VPS35L: variants seen among roughly 807,000 people sequenced by gnomAD.
VPS35L encodes the protein VPS35 endosomal protein sorting factor like, also known as VPS35 endosomal protein-sorting factor-like.
In VPS35L, 83 loss-of-function variants were observed where a neutral mutation model predicts 133.0. The ratio of observed to expected loss-of-function variants is 0.62; its 90% CI spans 0.52 to 0.75. VPS35L has a LOEUF of 0.75. Ranked by LOEUF, VPS35L falls within the 30% of genes least tolerant of loss-of-function variation. VPS35L has a pLI of 0.00. For synonymous variants in VPS35L, 423 were observed against 449.9 expected, an observed-to-expected ratio of 0.94 and a Z score of 0.76; for missense variants, 1,083 against 1,206.8, an observed-to-expected ratio of 0.90 and a Z score of 1.52.
rs1436940069 is a variant in VPS35L, at chr16:19,636,116, G to A, written c.1636-1478G>A. Reference sequence around the variant, plus strand: ...CAGGAGGATTGCTTGAGCCCAGGAGGTCAAGGCTGCAGTGAGCTGAGATCA... The same window carrying A: ...CAGGAGGATTGCTTGAGCCCAGGAGATCAAGGCTGCAGTGAGCTGAGATCA... On this transcript the variant is annotated intron_variant, in intron 19 of 30. Coordinates refer to ENST00000417362, the MANE Select transcript of VPS35L (RefSeq NM_020314.7). Among the ~76,000 whole-genome samples the A allele has an allele frequency of 1.4e-4, 22 of 152,146 alleles. 1 individual carries two copies. Among genetic ancestry groups the A allele is most frequent in the Admixed American group, 1.4e-3 (22 of 15,266 alleles).
At chr16:19,662,182 A>C (rs1974506940) in intron 26 of VPS35L, among the ~76,000 whole-genome samples, 1 of 152,076 alleles carries the variant, frequency 6.6e-6, no homozygotes, top group Admixed American at 6.5e-5. Flanking sequence ...CAGCCTGGGC[A>C]GCAGAGCAAG....
rs535485791 is a variant in VPS35L at position 19,561,615 on chromosome 16, A to G, written c.18-3236A>G. On this transcript the variant is annotated intron_variant, in intron 1 of 30. Transcript: ENST00000417362. ...CATACAAAGGTTAATGAAGTTGGGAATCTAAATGGGAGCAGAAGATGGGGT... is the reference window on the plus strand; with the variant it reads ...CATACAAAGGTTAATGAAGTTGGGAGTCTAAATGGGAGCAGAAGATGGGGT... 3.3e-5 allele frequency among the ~76,000 whole-genome samples: 5 copies of G among 152,168 alleles called. No individual in the cohort carries two copies. In the East Asian group the frequency reaches 9.7e-4, roughly 29 times the overall value.
intron 7 of VPS35L, among the ~76,000 whole-genome samples, chr16:19,583,730 A>AG (rs1331681511): frequency 1.3e-5 from 2 of 152,066 alleles, no homozygotes; most frequent in East Asian, 3.9e-4. Context: ...AAAAAAAAAA[A>AG]AAGGAAAACA....
chr16:19,610,273 G>A (rs1006526788), intron 11 of VPS35L, 49 bp from the exon 12 acceptor site: 6 of 1,471,270 alleles, frequency 4.1e-6, no homozygotes, highest in Non-Finnish European at 5.7e-6. Context: ...TTAAAGAACA[G>A]CGAGTTCTCA....
Position 19,666,975 on chromosome 16 carries a change from C to T in VPS35L, c.2222-2185C>T, listed in dbSNP as rs147124110. 5.0e-3 allele frequency among the ~76,000 whole-genome samples: 383 copies of T among 76,394 alleles called. 1 individual carries two copies. The highest frequency in any genetic ancestry group is 9.8e-3 in the African/African-American group (236 of 24,162). 50.1% of individuals were successfully genotyped at this position (76,394 alleles called of 152,430 possible). ...TCCTTTCTTCCTTTCTTCCTTTCTT[C>T]CTTTCTTTCTTTCTTTCTTTTTTTT... On this transcript the variant is annotated intron_variant, in intron 26 of 30. Coordinates refer to ENST00000417362, the MANE Select transcript of VPS35L (RefSeq NM_020314.7).
intron 5 of VPS35L, among the ~76,000 whole-genome samples, chr16:19,575,489 C>G (rs968982009): frequency 6.6e-6 from 1 of 150,972 alleles, no homozygotes; most frequent in African/African-American, 2.4e-5. Context: ...TCACTTGAAC[C>G]TGAGAGGCGG....
chr16:19,688,584 A>C (rs1220067319), intron 28 of VPS35L, among the ~76,000 whole-genome samples: 1 of 152,158 alleles, frequency 6.6e-6, no homozygotes, highest in Non-Finnish European at 1.5e-5. Flanking sequence ...GGTGAGAAGC[A>C]GCGAGTGCCG....
intron 1 of VPS35L, among the ~76,000 whole-genome samples, chr16:19,563,811 C>T (rs1019243670): frequency 6.6e-6 from 1 of 152,206 alleles, no homozygotes; most frequent in African/African-American, 2.4e-5. Context: ...TCTCTGTGCT[C>T]TCTCCTCTTC....
intron 7 of VPS35L, 158 bp downstream of exon 7, chr16:19,581,811 C>CTA: frequency 1.1e-6 from 1 of 929,032 alleles, no homozygotes; most frequent in Middle Eastern, 2.2e-4. Context: ...GATTATGAAT[C>CTA]TGTGTTTTTA....
Position 19,652,086 on chromosome 16 carries a change from C to G in VPS35L, c.2217C>G (p.Ser739=), listed in dbSNP as rs146218139. ...GQVALANQCL[S]QADAFFKAAI... ...TGGCCTTGGCCAACCAGTGCCTCTC[C>G]CAAGGTAAGTCCATCATTCTCTCAT... The change falls in exon 26 of 31, where the codon TCC becomes TCG. Residue 739 remains serine (S), a synonymous_variant. Coordinates refer to ENST00000417362, the MANE Select transcript of VPS35L (RefSeq NM_020314.7). 384 of 1,578,442 alleles carry G rather than the reference C, an allele frequency of 2.4e-4. No homozygotes were observed. The highest frequency in any genetic ancestry group is 3.2e-4 in the Non-Finnish European group (365 of 1,152,686).
chr16:19,626,152 A>G, intron 14 of VPS35L, 25 bp from the exon 15 acceptor site: 6 of 1,501,704 alleles, frequency 4.0e-6, no homozygotes, highest in Non-Finnish European at 5.4e-6. Context: ...TGATTTTTTA[A>G]TTATTATTAT....
In VPS35L at chr16:19,601,791, T is replaced by G. The variant is rs928506064; in HGVS notation, c.784+68T>G. ...TCAGGACTAGAAGGCTTTTATTGAG[T>G]CAGGATTCATTGAAGCTTGATAAAG... On this transcript the variant is annotated intron_variant, in intron 9 of 30. Coordinates refer to ENST00000417362, the MANE Select transcript of VPS35L (RefSeq NM_020314.7). 3 of 1,489,170 alleles carry G rather than the reference T, an allele frequency of 2.0e-6. No homozygotes were observed. The African/African-American group carries it at 4.2e-5, about 21-fold the overall frequency. 92.2% of individuals were successfully genotyped at this position (1,489,170 alleles called of 1,614,324 possible). A position where few individuals can be genotyped will look rare whatever the true frequency, so the allele number is the denominator to read the frequency against.
At chr16:19,630,773 A>G (rs1973429224) in intron 18 of VPS35L, among the ~76,000 whole-genome samples, 1 of 152,006 alleles carries the variant, frequency 6.6e-6, no homozygotes, top group South Asian at 2.1e-4. Flanking sequence ...GTCCTTATGA[A>G]GGAGATTAAT....
At chr16:19,590,198 G>A (rs1278623865) in intron 7 of VPS35L, among the ~76,000 whole-genome samples, 2 of 124,606 alleles carry the variant, frequency 1.6e-5, no homozygotes, top group Non-Finnish European at 3.1e-5. Context: ...TCGCAAATCA[G>A]ACACGTTGTT....
chr16:19,605,503 G>T (rs2151542433), intron 9 of VPS35L, among the ~76,000 whole-genome samples: 1 of 152,302 alleles, frequency 6.6e-6, no homozygotes, highest in African/African-American at 2.4e-5. Flanking sequence ...GAACTGGCTT[G>T]TCATGCTGGC....
rs886194355 is a variant in VPS35L at position 19,669,144 on chromosome 16, A to G, written c.2222-16A>G. 1 of 1,591,502 alleles carries G rather than the reference A, an allele frequency of 6.3e-7. No individual in the cohort carries two copies. Among genetic ancestry groups the G allele is most frequent in the Non-Finnish European group, 8.6e-7 (1 of 1,165,432 alleles). ...CCAGAGTTCTAATATACTGACTTTT[A>G]TCTTCTGTCTTGCAGCTGATGCTTT... is the stretch of plus-strand genomic sequence containing the variant. On this transcript the variant is annotated splice_polypyrimidine_tract_variant and intron_variant, in intron 26 of 30. Transcript: ENST00000417362.
At chr16:19,559,735 A>C (rs530418360) in intron 1 of VPS35L, among the ~76,000 whole-genome samples, 7 of 151,758 alleles carry the variant, frequency 4.6e-5, no homozygotes, top group Non-Finnish European at 1.0e-4. Flanking sequence ...TTTGAGATGC[A>C]GTCTCGCCTG....
chr16:19,699,298 T>C lies in VPS35L; in HGVS notation c.2647-204T>C, dbSNP rs1976025185. ...CGTCATCTTACTGAATCCCCGCCCT[T>C]TGCAGGGGTGACCTTACTGTCACTT... On this transcript the variant is annotated intron_variant, in intron 29 of 30. Coordinates refer to ENST00000417362, the MANE Select transcript of VPS35L (RefSeq NM_020314.7). This position sits in a 1 kb window ranked among gnomAD's most constrained non-coding sequence, Gnocchi z 4.2. The C allele has an allele frequency of 1.8e-6, 1 of 567,300 alleles. No individual in the cohort carries two copies. The highest frequency in any genetic ancestry group is 3.2e-5 in the East Asian group (1 of 31,682). The allele number at this position is 567,300 out of a possible 1,614,324, so 35.1% of individuals were successfully genotyped here.
intron 27 of VPS35L, among the ~76,000 whole-genome samples, chr16:19,681,606 C>T (rs570205582): frequency 7.2e-5 from 11 of 152,366 alleles, no homozygotes; most frequent in South Asian, 4.1e-4. Flanking sequence ...TACTTTTTTA[C>T]ACCCCAAAAC....
Sources: gnomAD v4.1 joint callset for allele counts (sites outside exome capture counted in the v4.1 genomes callset) on GRCh38, gnomAD v4.1.1 for gene constraint, Gnocchi (gnomAD v3.1) non-coding constraint, MANE v1.5 for transcripts, NCBI Gene and HGNC (gene_info 2026-07-23, HGNC 2026-07-21) for gene names.